The following DMD variants were observed in gnomAD, a reference collection of about 807,000 sequenced individuals.
The protein encoded by DMD is mutant dystrophin.
A neutral mutation model predicts 330.1 loss-of-function variants in DMD; 63 were observed. That is an observed-to-expected ratio of 0.19 (90% CI 0.16 to 0.24). The LOEUF (loss-of-function observed/expected upper bound fraction) is 0.24. Among genes scored for constraint, DMD ranks in the 10% least tolerant of loss-of-function variants. DMD has a pLI of 1.00. For synonymous variants in DMD, 1,223 were observed against 959.8 expected, an observed-to-expected ratio of 1.27 and a Z score of -5.07; for missense variants, 3,344 against 2,684.1, an observed-to-expected ratio of 1.25 and a Z score of -5.43.
intron 42 of DMD, among the ~76,000 whole-genome samples, chrX:32,308,226 T>C (rs1191138114): frequency 9.0e-6 from 1 of 111,182 alleles, no homozygotes; most frequent in African/African-American, 3.3e-5. Context: ...TTTTAACATA[T>C]TACATATTAT....
intron 1 of DMD, among the ~76,000 whole-genome samples, chrX:33,241,896 G>A (rs2052591772): frequency 9.1e-6 from 1 of 110,209 alleles, no homozygotes; most frequent in African/African-American, 3.3e-5. Context: ...CAGGTAGCTG[G>A]GATTACAGGT....
At chrX:33,142,974 T>C in intron 1 of DMD, among the ~76,000 whole-genome samples, 1 of 111,459 alleles carries the variant, frequency 9.0e-6, no homozygotes, top group Non-Finnish European at 1.9e-5. Flanking sequence ...AATGAAATAG[T>C]CATAGCTATG....
At chrX:31,444,330 G>A (rs1203548279) in intron 60 of DMD, 151 bp downstream of exon 60, 3 of 646,251 alleles carry the variant, frequency 4.6e-6, no homozygotes, top group Non-Finnish European at 7.1e-6. Flanking sequence ...AAAATGTTTA[G>A]ATGGGAATTA....
chrX:32,735,648 A>G (rs1474157207), intron 7 of DMD, among the ~76,000 whole-genome samples: 1 of 111,704 alleles, frequency 9.0e-6, no homozygotes, highest in Non-Finnish European at 1.9e-5. Context: ...CAAACCTGAG[A>G]AAAACAAGCA....
chrX:33,184,289 C>A (rs755452086), intron 1 of DMD, among the ~76,000 whole-genome samples: 1 of 111,940 alleles, frequency 8.9e-6, no homozygotes, highest in East Asian at 2.8e-4. Context: ...CACACATTTA[C>A]GGTATCCTCA....
chrX:31,210,910 T>G (rs2044602282), intron 64 of DMD, among the ~76,000 whole-genome samples: 1 of 112,346 alleles, frequency 8.9e-6, no homozygotes, highest in Admixed American at 9.4e-5. Context: ...CACACATTTT[T>G]CTCTTTTAAA....
intron 54 of DMD, among the ~76,000 whole-genome samples, chrX:31,651,747 C>T (rs2080467452): frequency 9.0e-6 from 1 of 111,144 alleles, no homozygotes; most frequent in African/African-American, 3.3e-5. Flanking sequence ...GTGCTCTGTA[C>T]CCAAAATATA....
chrX:32,021,689 T>G (rs954702814), intron 44 of DMD, among the ~76,000 whole-genome samples: 1 of 112,400 alleles, frequency 8.9e-6, no homozygotes, highest in East Asian at 2.8e-4. Context: ...AAAGGTTAAA[T>G]ACATAATTAG....
chrX:31,971,101 C>A (rs1379828802), intron 44 of DMD, among the ~76,000 whole-genome samples: 3 of 111,632 alleles, frequency 2.7e-5, no homozygotes, highest in Non-Finnish European at 5.7e-5. Context: ...CGTGGAGGCA[C>A]CAAAATTCTG....
At chrX:32,926,752 CAAAA>C (rs745877756) in intron 2 of DMD, among the ~76,000 whole-genome samples, 1 of 41,546 alleles carries the variant, frequency 2.4e-5, no homozygotes, top group Non-Finnish European at 4.7e-5. Context: ...ACTCCATCTC[CAAAA>C]AAAAAAAAAA....
chrX:33,145,617 C>T (rs1340721842), intron 1 of DMD, among the ~76,000 whole-genome samples: 1 of 90,944 alleles, frequency 1.1e-5, no homozygotes, highest in Non-Finnish European at 2.2e-5. Context: ...ATATGGTTAT[C>T]ATATAATGTA....
intron 59 of DMD, among the ~76,000 whole-genome samples, chrX:31,450,380 G>T (rs950398282): frequency 1.8e-5 from 2 of 111,926 alleles, no homozygotes; most frequent in African/African-American, 6.5e-5. Context: ...GAGAGTCAAG[G>T]ACTGTATCTT....
chrX:32,234,066 G>A (rs1009264364), intron 43 of DMD, among the ~76,000 whole-genome samples: 14 of 111,684 alleles, frequency 1.3e-4, no homozygotes, highest in Admixed American at 1.1e-3. Flanking sequence ...ATGGGTCACA[G>A]TAAAACTGGC....
intron 11 of DMD, among the ~76,000 whole-genome samples, chrX:32,618,872 A>T (rs7890028): frequency 3.6e-5 from 4 of 111,504 alleles, no homozygotes; most frequent in Admixed American, 1.9e-4. Flanking sequence ...GGGAATGGCA[A>T]TCAGTACAGG....
At chrX:32,782,633 A>C (rs2074889405) in intron 7 of DMD, among the ~76,000 whole-genome samples, 1 of 111,232 alleles carries the variant, frequency 9.0e-6, no homozygotes, top group African/African-American at 3.3e-5. Flanking sequence ...TGAATGATTT[A>C]GTGATATACA....
In DMD at chrX:32,739,101, T is replaced by A. The variant is rs150180937; in HGVS notation, c.650-39808A>T. On this transcript the variant is annotated intron_variant, in intron 7 of 78. Coordinates refer to ENST00000357033, the MANE Select transcript of DMD (RefSeq NM_004006.3). ...AATCAACTAATTCATTTAATTCTTG[T>A]AACAGTCCTATGGTATGAATACAAT... 1.5e-3 allele frequency among the ~76,000 whole-genome samples: 166 copies of A among 112,222 alleles called. 2 individuals are homozygous for A. In the East Asian group the frequency reaches 0.04, roughly 27 times the overall value.
chrX:32,903,598 G>T (rs897463543), intron 2 of DMD, among the ~76,000 whole-genome samples: 14 of 111,457 alleles, frequency 1.3e-4, no homozygotes, highest in African/African-American at 4.6e-4. Flanking sequence ...GTGGAGCCTG[G>T]TGATTTTCAC....
intron 41 of DMD, among the ~76,000 whole-genome samples, chrX:32,331,500 AG>A (rs1412602132): frequency 8.9e-6 from 1 of 111,760 alleles, no homozygotes; most frequent in Non-Finnish European, 1.9e-5. Context: ...TATTAATCAT[AG>A]ATTTTGCAGT....
chrX:31,180,292 C>T (rs1016239940), intron 69 of DMD, 78 bp downstream of exon 69: 13 of 686,607 alleles, frequency 1.9e-5, no homozygotes, highest in Non-Finnish European at 2.9e-5. Flanking sequence ...CAGCATTATA[C>T]ATGATCTGCA....
Sources: allele counts gnomAD v4.1 joint callset (sites outside exome capture counted in the v4.1 genomes callset), GRCh38; gene constraint gnomAD v4.1.1; transcripts MANE v1.5; gene names NCBI Gene and HGNC (gene_info 2026-07-23, HGNC 2026-07-21).